The following DARS2 variants were observed in gnomAD, a reference collection of about 807,000 sequenced individuals.
DARS2 encodes aspartate--tRNA ligase, mitochondrial.
A neutral mutation model predicts 83.0 loss-of-function variants in DARS2; 63 were observed. The observed-to-expected ratio is 0.76, with a 90% confidence interval of 0.62 to 0.94. The LOEUF is 0.94. DARS2 is among the 40% of genes least tolerant of loss of function. DARS2 has a pLI of 0.00. For synonymous variants in DARS2, 250 were observed against 269.3 expected (o/e 0.93, Z 0.70); for missense variants, 675 against 774.4 (o/e 0.87, Z 1.52).
intron 10 of DARS2, among the ~76,000 whole-genome samples, chr1:173,840,487 C>G (rs1653163844): frequency 6.6e-6 from 1 of 152,224 alleles, no homozygotes; most frequent in African/African-American, 2.4e-5. Flanking sequence ...CCACCTCAGC[C>G]TCCCAAAGTT....
chr1:173,844,047 G>A (rs1449833723), intron 11 of DARS2, among the ~76,000 whole-genome samples: 1 of 152,208 alleles, frequency 6.6e-6, no homozygotes, highest in African/African-American at 2.4e-5. Context: ...GGGGGGAAGA[G>A]GGAGTTCACT....
Position 173,853,334 on chromosome 1 carries a change from G to A in DARS2, c.1345-15G>A, listed in dbSNP as rs774683922. ...GTCAAGAAGTTAACTCAATGTTTAC[G>A]TCTTCTGTTTGCAGTGCTCTTTGTT... On this transcript the variant is annotated splice_polypyrimidine_tract_variant and intron_variant, in intron 13 of 16. Transcript: ENST00000649689. 1.7e-5 allele frequency: 28 copies of A among 1,610,402 alleles called. No homozygotes were observed. The highest frequency in any genetic ancestry group is 5.3e-5 in the African/African-American group (4 of 74,804).
intron 11 of DARS2, among the ~76,000 whole-genome samples, chr1:173,844,045 G>A (rs1486253794): frequency 2.0e-5 from 3 of 152,218 alleles, no homozygotes; most frequent in African/African-American, 7.2e-5. Context: ...CTGGGGGGAA[G>A]AGGGAGTTCA....
chr1:173,843,132 T>A (rs746031617), intron 11 of DARS2, among the ~76,000 whole-genome samples: 6 of 152,062 alleles, frequency 3.9e-5, no homozygotes, highest in Admixed American at 2.0e-4. Context: ...CGTACCTAGT[T>A]AAATGCCACA....
chr1:173,828,667 G>A (rs1477558983), intron 3 of DARS2, among the ~76,000 whole-genome samples: 1 of 152,138 alleles, frequency 6.6e-6, no homozygotes, highest in Non-Finnish European at 1.5e-5. Flanking sequence ...TCACTCATAG[G>A]TAGAGAAATG....
rs1653767648 is a variant in DARS2 at position 173,853,864 on chromosome 1, A to G, written c.1633A>G (p.Asn545Asp). 6.2e-7 allele frequency: 1 copy of G among 1,614,074 alleles called. No individual in the cohort carries two copies. The highest frequency in any genetic ancestry group is 8.5e-7 in the Non-Finnish European group (1 of 1,180,042). The change falls in exon 15 of 17, where the codon AAT (asparagine) becomes GAT (aspartate). Residue 545 changes from asparagine (N) to aspartate (D), a missense_variant. By Grantham distance (23) the Asn-to-Asp change is conservative. Transcript: ENST00000649689. ...AGGAGGTGGTTCAATTCGAATTCAC[A>G]ATGCAGAGCTGCAGCGTTATATCCT... is the stretch of plus-strand genomic sequence containing the variant. The part of the protein sequence containing the change: ...EIGGGSIRIH[N>D]AELQRYILAT...
At chr1:173,831,447 T>C in intron 4 of DARS2, 88 bp from the exon 5 acceptor site, 2 of 986,712 alleles carry the variant, frequency 2.0e-6, no homozygotes, top group Non-Finnish European at 3.3e-6. Context: ...ATTTTACATA[T>C]GTAAATAAAT....
At chr1:173,831,364 A>T (rs917617479) in intron 4 of DARS2, among the ~76,000 whole-genome samples, 171 bp from the exon 5 acceptor site, 2 of 152,200 alleles carry the variant, frequency 1.3e-5, no homozygotes, top group Non-Finnish European at 2.9e-5. Flanking sequence ...CACATCAGCC[A>T]CATATGCATA....
intron 11 of DARS2, among the ~76,000 whole-genome samples, chr1:173,844,329 A>G (rs563814592): frequency 1.2e-4 from 18 of 152,212 alleles, no homozygotes; most frequent in African/African-American, 3.4e-4. Context: ...TATCCTGCAT[A>G]TTAGATATAG....
chr1:173,855,775 C>A (rs2102664600), intron 15 of DARS2, among the ~76,000 whole-genome samples: 1 of 152,144 alleles, frequency 6.6e-6, no homozygotes, highest in East Asian at 1.9e-4. Flanking sequence ...GCCTTAGCCT[C>A]CCGAGTGGCT....
intron 13 of DARS2, 108 bp from the exon 14 acceptor site, chr1:173,853,241 T>C (rs1653739400): frequency 3.8e-6 from 4 of 1,058,804 alleles, no homozygotes; most frequent in Non-Finnish European, 5.9e-6. Context: ...TATCTGTTAA[T>C]TGGCTAATCC....
chr1:173,857,723 G>GA lies in DARS2; in HGVS notation c.*21dup. The GA allele has an allele frequency of 6.2e-7, 1 of 1,614,032 alleles. No individual in the cohort carries two copies. The highest frequency in any genetic ancestry group is 8.5e-7 in the Non-Finnish European group (1 of 1,179,928). ...CTCATTGAATCATGCATACCATGCAGAAAGTTGAGCTTTTAGGTTTTGTCC... is the reference window on the plus strand; with the variant it reads ...CTCATTGAATCATGCATACCATGCAGAAAAGTTGAGCTTTTAGGTTTTGTCC... On this transcript the variant is annotated 3_prime_UTR_variant, in exon 17 of 17. Coordinates refer to ENST00000649689, the MANE Select transcript of DARS2 (RefSeq NM_018122.5).
rs890802941 is a variant in DARS2 at position 173,833,409 on chromosome 1, T to G, written c.526T>G (p.Leu176Val). The change falls in exon 6 of 17, where the codon TTA becomes GTA. Residue 176 changes from leucine (L) to valine (V), a missense_variant. Transcript: ENST00000649689. Reference protein sequence around the residue: ...TEALRLQYRYLDLRSFQMQYN... With the variant: ...TEALRLQYRYVDLRSFQMQYN... The stretch of plus-strand genomic sequence containing the variant: ...GGCTCTTCGGTTGCAGTATCGCTAC[T>G]TAGACTTGCGTAGTTTCCAAATGCA... The G allele has an allele frequency of 1.9e-6, 3 of 1,612,930 alleles. No homozygotes were observed. The Admixed American group carries it at 5.0e-5, about 27-fold the overall frequency.
At chr1:173,839,287 T>C (rs760939019) in intron 9 of DARS2, 80 bp from the exon 10 acceptor site, 4 of 1,303,006 alleles carry the variant, frequency 3.1e-6, no homozygotes, top group Non-Finnish European at 4.4e-6. Context: ...CAAAATTCTA[T>C]AGTAACTTGA....
intron 12 of DARS2, among the ~76,000 whole-genome samples, chr1:173,848,430 T>C (rs1653523515): frequency 6.6e-6 from 1 of 152,248 alleles, no homozygotes; most frequent in Non-Finnish European, 1.5e-5. Context: ...TATGTCTGCA[T>C]TGTTCGGTGT....
intron 12 of DARS2, among the ~76,000 whole-genome samples, chr1:173,849,995 T>G (rs1201054720): frequency 5.3e-5 from 8 of 151,530 alleles, no homozygotes. Context: ...GTAGCTAGGA[T>G]TACAGGTGCA....
At chr1:173,834,767 TGGGTTTTTTTTTTTG>T (rs1652933739) in intron 7 of DARS2, among the ~76,000 whole-genome samples, 1 of 88,800 alleles carries the variant, frequency 1.1e-5, no homozygotes, top group African/African-American at 5.3e-5. Context: ...TGGTTTGTTT[TGGGTTTTTTTTTTTG>T]TTTTTTTTTT....
At chr1:173,834,961 T>C (rs1199084905) in intron 7 of DARS2, among the ~76,000 whole-genome samples, 3 of 151,424 alleles carry the variant, frequency 2.0e-5, no homozygotes, top group Admixed American at 2.0e-4. Context: ...GTATTTACTT[T>C]AGTAGAGACG....
chr1:173,831,296 C>G (rs1439023116), intron 4 of DARS2, among the ~76,000 whole-genome samples: 1 of 151,164 alleles, frequency 6.6e-6, no homozygotes, highest in Non-Finnish European at 1.5e-5. Context: ...ATCCTCCTGT[C>G]TCAGCCTCCC....
Sources: allele counts gnomAD v4.1 joint callset (sites outside exome capture counted in the v4.1 genomes callset), GRCh38; gene constraint gnomAD v4.1.1; transcripts MANE v1.5; gene names NCBI Gene and HGNC (gene_info 2026-07-23, HGNC 2026-07-21).